FRYL: variants seen among roughly 807,000 people sequenced by gnomAD.
FRYL encodes FRY like transcription coactivator.
In FRYL, 150 loss-of-function variants were observed where a neutral mutation model predicts 351.2. The ratio of observed to expected loss-of-function variants is 0.43; its 90% CI spans 0.37 to 0.49. FRYL has a LOEUF of 0.49. Among genes scored for constraint, FRYL ranks in the 20% least tolerant of loss-of-function variants. The probability of loss-of-function intolerance (pLI) is 0.00; values close to 1 mark genes in which losing one functional copy is unlikely to be tolerated. For missense variants in FRYL, 3,036 were observed against 3,619.3 expected (o/e 0.84, Z 4.13); for synonymous variants, 1,153 against 1,257.1 (o/e 0.92, Z 1.75).
chr4:48,508,157 T>C (rs1286585930), intron 59 of FRYL, among the ~76,000 whole-genome samples: 1 of 152,196 alleles, frequency 6.6e-6, no homozygotes, highest in Admixed American at 6.5e-5. Flanking sequence ...TAATTTTATT[T>C]ACAAAAATAG....
intron 1 of FRYL, among the ~76,000 whole-genome samples, chr4:48,739,944 A>G (rs529965443): frequency 6.6e-6 from 1 of 152,266 alleles, no homozygotes; most frequent in African/African-American, 2.4e-5. Flanking sequence ...GCCATGTGAA[A>G]CCCTGCACCA....
chr4:48,598,545 G>T (rs1407775378), intron 13 of FRYL, among the ~76,000 whole-genome samples: 1 of 152,112 alleles, frequency 6.6e-6, no homozygotes, highest in Admixed American at 6.6e-5. Context: ...ATTTATAACA[G>T]CTAGATAATG....
intron 42 of FRYL, among the ~76,000 whole-genome samples, 194 bp from the exon 43 acceptor site, chr4:48,545,098 T>C (rs1023986086): frequency 2.6e-5 from 4 of 152,348 alleles, no homozygotes; most frequent in African/African-American, 9.6e-5. Flanking sequence ...TTTCAGTGTC[T>C]AGCAACAGAC....
In FRYL at chr4:48,601,260, A is replaced by G. The variant is rs566949191; in HGVS notation, c.1035+760T>C. ...GGAATGTCATGTCTGCAATATTTCT[A>G]TAACTTGCAAGCAAATATTCAAATA... On this transcript the variant is annotated intron_variant, in intron 13 of 63. Coordinates refer to ENST00000358350, the MANE Select transcript of FRYL (RefSeq NM_015030.2). 3.3e-4 allele frequency among the ~76,000 whole-genome samples: 50 copies of G among 152,352 alleles called. 1 individual carries two copies. The highest frequency in any genetic ancestry group is 1.1e-3 in the African/African-American group (45 of 41,596).
chr4:48,508,135 G>T (rs960196955), intron 59 of FRYL, among the ~76,000 whole-genome samples: 1 of 152,168 alleles, frequency 6.6e-6, no homozygotes, highest in African/African-American at 2.4e-5. Flanking sequence ...AAACCAGATA[G>T]CTGTTTTCTA....
At chr4:48,522,810 T>C in intron 54 of FRYL, 91 bp downstream of exon 54, 2 of 938,288 alleles carry the variant, frequency 2.1e-6, no homozygotes, top group South Asian at 2.7e-5. Context: ...GTGTGTGCAT[T>C]TCACCCATGC....
chr4:48,499,720 C>CT (rs1281928192), intron 63 of FRYL, 40 bp from the exon 64 acceptor site: 1 of 1,594,008 alleles, frequency 6.3e-7, no homozygotes, highest in South Asian at 1.1e-5. Context: ...GAGACTTAGG[C>CT]AATAGTTAAG....
At chr4:48,615,077 C>G (rs574116558) in intron 7 of FRYL, among the ~76,000 whole-genome samples, 3 of 152,222 alleles carry the variant, frequency 2.0e-5, no homozygotes, top group Admixed American at 2.0e-4. Flanking sequence ...CCACCCGTCT[C>G]GGCCTCACAA....
chr4:48,553,731 C>T (rs536590420), intron 35 of FRYL, among the ~76,000 whole-genome samples: 2 of 151,804 alleles, frequency 1.3e-5, no homozygotes, highest in Non-Finnish European at 2.9e-5. Flanking sequence ...GTAATAACAT[C>T]CTAAGATTTT....
intron 1 of FRYL, among the ~76,000 whole-genome samples, chr4:48,740,382 C>T (rs1300880542): frequency 6.7e-6 from 1 of 149,916 alleles, no homozygotes; most frequent in Admixed American, 6.7e-5. Flanking sequence ...GCAACTTCCA[C>T]CTCCCAGGTT....
chr4:48,746,378 A>G (rs1454926496), intron 1 of FRYL, among the ~76,000 whole-genome samples: 1 of 151,654 alleles, frequency 6.6e-6, no homozygotes, highest in Non-Finnish European at 1.5e-5. Flanking sequence ...CATCCTGGCT[A>G]ACTAAAAATA....
Position 48,575,107 on chromosome 4 carries a change from A to G in FRYL, c.2846+10T>C. The G allele has an allele frequency of 6.2e-7, 1 of 1,612,472 alleles. No homozygotes were observed. Among genetic ancestry groups the G allele is most frequent in the African/African-American group, 1.3e-5 (1 of 74,954 alleles). On this transcript the variant is annotated intron_variant, in intron 25 of 63. Transcript: ENST00000358350. ...TTTAGGACATAGAAAAAATGTACGA[A>G]CATAGTTACCTAAAAGCTCCTGGGT...
chr4:48,541,468 C>T (rs541592779), intron 45 of FRYL, among the ~76,000 whole-genome samples: 6 of 152,214 alleles, frequency 3.9e-5, no homozygotes, highest in Middle Eastern at 3.4e-3. Context: ...TTAGACAAGT[C>T]TTTTGAAAGA....
At chr4:48,770,434 T>G (rs2109411286) in intron 1 of FRYL, among the ~76,000 whole-genome samples, 1 of 152,194 alleles carries the variant, frequency 6.6e-6, no homozygotes, top group East Asian at 1.9e-4. Context: ...TTTTTATTTT[T>G]TATTTATTTT....
chr4:48,606,576 T>G lies in FRYL; in HGVS notation c.603A>C (p.Thr201=). The stretch of plus-strand genomic sequence containing the variant: ...CCTTTTGTCGCAGTTCTTTTAATTC[T>G]GTCACAAACTTCTTCCTTACAGCCT... ...KFQAVRKKFV[T]ELKELRQKEQ... The change falls in exon 10 of 64, where the codon ACA becomes ACC. Residue 201 remains threonine (T), a synonymous_variant. Coordinates refer to ENST00000358350, the MANE Select transcript of FRYL (RefSeq NM_015030.2). 6.2e-7 allele frequency: 1 copy of G among 1,611,596 alleles called. No homozygotes were observed. The highest frequency in any genetic ancestry group is 8.5e-7 in the Non-Finnish European group (1 of 1,178,192).
chr4:48,527,695 ATT>A, intron 52 of FRYL, 42 bp from the exon 53 acceptor site: 1 of 1,565,492 alleles, frequency 6.4e-7, no homozygotes, highest in Non-Finnish European at 8.6e-7. Flanking sequence ...CATCCATCAG[ATT>A]TGTCACTCTG....
chr4:48,726,242 T>C (rs1003042441), intron 1 of FRYL, among the ~76,000 whole-genome samples: 2 of 152,144 alleles, frequency 1.3e-5, no homozygotes, highest in Non-Finnish European at 2.9e-5. Flanking sequence ...AAAATAAAGA[T>C]ACAGAGGCCA....
chr4:48,752,735 C>A (rs541187568), intron 1 of FRYL, among the ~76,000 whole-genome samples: 4 of 152,304 alleles, frequency 2.6e-5, no homozygotes, highest in African/African-American at 9.6e-5. Context: ...GAAAGCTAGA[C>A]AAGAGTTCAC....
intron 19 of FRYL, 133 bp downstream of exon 19, chr4:48,586,488 G>A: frequency 2.0e-6 from 1 of 510,434 alleles, no homozygotes; most frequent in South Asian, 3.1e-5. Context: ...TGGAAGTTTA[G>A]AAAGTAAATC....
Sources: allele counts gnomAD v4.1 joint callset (sites outside exome capture counted in the v4.1 genomes callset), GRCh38; gene constraint gnomAD v4.1.1; transcripts MANE v1.5; gene names NCBI Gene and HGNC (gene_info 2026-07-23, HGNC 2026-07-21).